Variants in MYH14 observed in about 807,000 individuals in gnomAD.
The protein encoded by MYH14 is myosin heavy chain 14, also known as myosin-14.
MYH14 carries 123 observed loss-of-function variants against 255.5 expected under a neutral mutation model. The ratio of observed to expected loss-of-function variants is 0.48; its 90% CI spans 0.42 to 0.56. The LOEUF is 0.56. MYH14 is among the 20% of genes least tolerant of loss of function. The pLI is 0.00. For synonymous variants in MYH14, 1,095 were observed against 1,161.2 expected (o/e 0.94, Z 1.16); for missense variants, 2,423 against 2,802.3 (o/e 0.86, Z 3.06).
intron 1 of MYH14, among the ~76,000 whole-genome samples, chr19:50,205,749 AG>A (rs2031707125): frequency 6.6e-6 from 1 of 152,058 alleles, no homozygotes; most frequent in African/African-American, 2.4e-5. Flanking sequence ...CCAGGACTGC[AG>A]AGCTGGGGTC....
At chr19:50,307,549 G>A (rs2036694852) in intron 41 of MYH14, among the ~76,000 whole-genome samples, 1 of 152,160 alleles carries the variant, frequency 6.6e-6, no homozygotes, top group Non-Finnish European at 1.5e-5. Flanking sequence ...TTATTTATGT[G>A]AGGAAACTGA....
intron 10 of MYH14, among the ~76,000 whole-genome samples, chr19:50,242,208 C>A (rs1472181259): frequency 2.0e-5 from 3 of 152,218 alleles, no homozygotes; most frequent in Non-Finnish European, 4.4e-5. Context: ...GCACTACCCA[C>A]TTCCAATGCA....
At chr19:50,277,479 A>G (rs921990876) in intron 29 of MYH14, among the ~76,000 whole-genome samples, 4 of 151,654 alleles carry the variant, frequency 2.6e-5, no homozygotes, top group Admixed American at 6.6e-5. Flanking sequence ...GGTGGCACAC[A>G]CGCCTATAGT....
intron 42 of MYH14, 91 bp from the exon 43 acceptor site, chr19:50,309,549 C>G: frequency 1.2e-6 from 1 of 844,896 alleles, no homozygotes; most frequent in East Asian, 2.7e-5. Context: ...ATCTCTCTCT[C>G]TCTCCCCCTC....
At chr19:50,220,660 G>C (rs12971365) in intron 3 of MYH14, among the ~76,000 whole-genome samples, 76,317 of 151,646 alleles carry the variant, frequency 0.5, 21,963 homozygotes, top group Non-Finnish European at 0.64. Flanking sequence ...TCAAGCCATT[G>C]TCCTGCCTCA....
Position 50,250,784 on chromosome 19 carries a change from TC to T in MYH14, c.1830+98del. The T allele has an allele frequency of 7.6e-7, 1 of 1,318,860 alleles. No homozygotes were observed. The highest frequency in any genetic ancestry group is 1.0e-6 in the Non-Finnish European group (1 of 954,518). 81.7% of individuals were successfully genotyped at this position (1,318,860 alleles called of 1,614,324 possible). On this transcript the variant is annotated intron_variant, in intron 15 of 42. Coordinates refer to ENST00000642316, the MANE Select transcript of MYH14 (RefSeq NM_001145809.2). The surrounding 1 kb of genome is among the most constrained non-coding windows in gnomAD (Gnocchi z 5.4). Reference sequence around the variant, plus strand: ...GGGAGGGTGCAGAGGGAAAACAGGGTCCTCCTGAGGTCCAGACAAACAGAGC... The same window carrying T: ...GGGAGGGTGCAGAGGGAAAACAGGGTCTCCTGAGGTCCAGACAAACAGAGC...
rs2033883075 is a variant in MYH14 at position 50,241,312 on chromosome 19, G to A, written c.1115-2930G>A. On this transcript the variant is annotated intron_variant, in intron 10 of 42. Transcript: ENST00000642316. ...TAGCTGGGCGTGTTGGCATGTGCCT[G>A]TAGTCCCAGCTACTTGGGAGGCTGA... Among the ~76,000 whole-genome samples, 4 of 152,180 alleles carry A rather than the reference G, an allele frequency of 2.6e-5. No individual in the cohort carries two copies. In the South Asian group the frequency reaches 8.3e-4, roughly 32 times the overall value.
chr19:50,227,531 T>C (rs983189240), intron 8 of MYH14, among the ~76,000 whole-genome samples: 6 of 152,056 alleles, frequency 3.9e-5, no homozygotes, highest in Non-Finnish European at 8.8e-5. Flanking sequence ...TAAACCACAG[T>C]GTTTGCACAA....
At position 50,293,224 on chromosome 19, in the gene MYH14, T is replaced by TCA. The variant is rs760830061; in HGVS notation, c.5257-8_5257-7dup. On this transcript the variant is annotated splice_polypyrimidine_tract_variant and intron_variant, in intron 37 of 42. Coordinates refer to ENST00000642316, the MANE Select transcript of MYH14 (RefSeq NM_001145809.2). This position sits in a 1 kb window ranked among gnomAD's most constrained non-coding sequence, Gnocchi z 4.1. ...CTCACACCCACCGGCCACCCCTCCA[T>TCA]CATCACAGGAACTGGCCGCCTCGGA... 21 of 1,596,076 alleles carry TCA rather than the reference T, an allele frequency of 1.3e-5. No homozygotes were observed. Among genetic ancestry groups the TCA allele is most frequent in the Non-Finnish European group, 1.6e-5 (19 of 1,171,672 alleles).
Position 50,260,725 on chromosome 19 carries a change from G to A in MYH14, c.2424+10G>A, listed in dbSNP as rs1452295852. 3.1e-6 allele frequency: 5 copies of A among 1,606,068 alleles called. No homozygotes were observed. Among genetic ancestry groups the A allele is most frequent in the Non-Finnish European group, 4.3e-6 (5 of 1,176,440 alleles). ...GGCCTGTGAAAAGATGGTGAGTGGG[G>A]CAGAGCCTGGAATGCGTGTGTGCGT... On this transcript the variant is annotated intron_variant, in intron 20 of 42. Transcript: ENST00000642316.
Position 50,210,745 on chromosome 19 carries a change from A to G in MYH14, c.380A>G (p.Glu127Gly). Residue 127 changes from glutamate (E) to glycine (G), a missense_variant, in exon 2 of 43, where the codon GAG (glutamate) becomes GGG (glycine). This residue lies in a region of MYH14 where 238 missense variants were observed against 245.8 expected (regional missense o/e 0.97). Transcript: ENST00000642316. ...GCCTCGGTCCTGCACAACCTCCGGG[A>G]GCGGTACTACTCCGGCCTCATCTAC... Reference protein sequence around the residue: ...NEASVLHNLRERYYSGLIYTY... With the variant: ...NEASVLHNLRGRYYSGLIYTY... 10 of 1,580,772 alleles carry G rather than the reference A, an allele frequency of 6.3e-6. No individual in the cohort carries two copies. Among genetic ancestry groups the G allele is most frequent in the Non-Finnish European group, 8.6e-6 (10 of 1,164,222 alleles).
intron 10 of MYH14, among the ~76,000 whole-genome samples, chr19:50,237,997 C>G (rs946272483): frequency 7.2e-5 from 11 of 152,188 alleles, no homozygotes; most frequent in Admixed American, 2.6e-4. Context: ...AGGTGGACAC[C>G]TCAGTGTCAC....
In MYH14 at chr19:50,255,331, G is replaced by T; in HGVS notation, c.2044+13G>T. On this transcript the variant is annotated intron_variant, in intron 17 of 42. Coordinates refer to ENST00000642316, the MANE Select transcript of MYH14 (RefSeq NM_001145809.2). ...TCTCCGCCAGGGGGTGGGTGTCTCT[G>T]TGCATCGATGGGTGAGGCTTGCTGG... 1 of 1,544,156 alleles carries T rather than the reference G, an allele frequency of 6.5e-7. No homozygotes were observed.
rs772643657 is a variant in MYH14, at chr19:50,252,772, C to A, written c.1945+19C>A. On this transcript the variant is annotated intron_variant, in intron 16 of 42. Coordinates refer to ENST00000642316, the MANE Select transcript of MYH14 (RefSeq NM_001145809.2). The surrounding 1 kb of genome is among the most constrained non-coding windows in gnomAD (Gnocchi z 4.2). ...AAAGACGGTGAGGACCCACTTCCCC[C>A]ACCCCGGCTCTAGGGGTCTGTGCGG... 16 of 1,526,370 alleles carry A rather than the reference C, an allele frequency of 1.0e-5. No homozygotes were observed. Among genetic ancestry groups the A allele is most frequent in the Admixed American group, 9.6e-5 (5 of 52,252 alleles). 94.6% of individuals were successfully genotyped at this position (1,526,370 alleles called of 1,614,324 possible).
Position 50,266,867 on chromosome 19 carries a change from C to T in MYH14, c.2695-10C>T, listed in dbSNP as rs1042352418. ...AAGTCAGCCATTCCACCCCTTTCACCTCCACCTAGGTGAAGCCACTGCTGC... is the reference window on the plus strand; with the variant it reads ...AAGTCAGCCATTCCACCCCTTTCACTTCCACCTAGGTGAAGCCACTGCTGC... On this transcript the variant is annotated splice_polypyrimidine_tract_variant and intron_variant, in intron 22 of 42. Transcript: ENST00000642316. This position sits in a 1 kb window ranked among gnomAD's most constrained non-coding sequence, Gnocchi z 4.1. The T allele has an allele frequency of 6.4e-7, 1 of 1,551,686 alleles. No homozygotes were observed. Among genetic ancestry groups the T allele is most frequent in the South Asian group, 1.2e-5 (1 of 84,064 alleles).
At chr19:50,229,205 G>C (rs1289296529) in intron 8 of MYH14, among the ~76,000 whole-genome samples, 1 of 152,132 alleles carries the variant, frequency 6.6e-6, no homozygotes, top group African/African-American at 2.4e-5. Context: ...AACCAAGCAG[G>C]TTACACCCCA....
intron 10 of MYH14, among the ~76,000 whole-genome samples, chr19:50,242,233 G>C (rs2033921731): frequency 6.6e-6 from 1 of 152,126 alleles, no homozygotes; most frequent in East Asian, 1.9e-4. Flanking sequence ...CTAGAACTCT[G>C]CACAGCCTAC....
chr19:50,215,093 G>C (rs901671971), intron 2 of MYH14, among the ~76,000 whole-genome samples: 1 of 152,194 alleles, frequency 6.6e-6, no homozygotes. Context: ...GGCTTCCCCA[G>C]CTGTCTCCCA....
intron 23 of MYH14, 102 bp from the exon 24 acceptor site, chr19:50,268,059 G>A (rs1428479490): frequency 4.2e-6 from 6 of 1,436,162 alleles, no homozygotes; most frequent in Non-Finnish European, 5.6e-6. Flanking sequence ...TCCTGCCCTG[G>A]AGAACTTAAA....
Sources: gnomAD v4.1 joint callset for allele counts (sites outside exome capture counted in the v4.1 genomes callset) on GRCh38, gnomAD v4.1.1 for gene constraint, gnomAD v4.1.1 regional missense constraint, Gnocchi (gnomAD v3.1) non-coding constraint, MANE v1.5 for transcripts, NCBI Gene and HGNC (gene_info 2026-07-23, HGNC 2026-07-21) for gene names.